SYMPK: variants seen among roughly 807,000 people sequenced by gnomAD.
SYMPK encodes the protein symplekin scaffold protein.
SYMPK carries 49 observed loss-of-function variants against 136.4 expected under a neutral mutation model. The observed-to-expected ratio is 0.36, with a 90% CI of 0.29 to 0.46. The LOEUF is 0.46. Among genes scored for constraint, SYMPK ranks in the 20% least tolerant of loss-of-function variants. The pLI is 1.00. For synonymous variants in SYMPK, 766 were observed against 713.0 expected (o/e 1.07, Z -1.19); for missense variants, 1,365 against 1,690.0 (o/e 0.81, Z 3.37).
Position 45,827,903 on chromosome 19 carries a change from A to G in SYMPK, c.2001T>C (p.Val667=), listed in dbSNP as rs760036015. 2 of 1,613,860 alleles carry G rather than the reference A, an allele frequency of 1.2e-6. No individual in the cohort carries two copies. Among genetic ancestry groups the G allele is most frequent in the Non-Finnish European group, 1.7e-6 (2 of 1,179,992 alleles). ...CTGTGATGAGTGGCGCCTCCAGCAC[A>G]ACCTTGGTGAAGATCCTGCCAGAGA... ...PDQKDGIFTK[V]VLEAPLITES... is the part of the protein sequence containing the mutation. Residue 667 remains valine (V), a synonymous_variant, in exon 15 of 27, where the codon GTT becomes GTC. Transcript: ENST00000245934.
At chr19:45,824,538 A>G (rs1313942019) in intron 18 of SYMPK, among the ~76,000 whole-genome samples, 4 of 152,194 alleles carry the variant, frequency 2.6e-5, no homozygotes, top group Non-Finnish European at 5.9e-5. Context: ...CACTGAACCC[A>G]AATGGCAGAT....
At position 45,816,052 on chromosome 19, in the gene SYMPK, T is replaced by A. The variant is rs372839933; in HGVS notation, c.3486A>T (p.Gly1162=). Residue 1162 remains glycine (G), a synonymous_variant, in exon 26 of 27, where the codon GGA becomes GGT. Coordinates refer to ENST00000245934, the MANE Select transcript of SYMPK (RefSeq NM_004819.3). ...AGGAAGAGGAGGGGGCTCCCACTCCTCCCGGCTTCAGCTTCTGTTCCTCCT... is the reference window on the plus strand; with the variant it reads ...AGGAAGAGGAGGGGGCTCCCACTCCACCCGGCTTCAGCTTCTGTTCCTCCT... ...QLEEEQKLKP[G]GVGAPSSSSP... is the part of the protein sequence containing the mutation. The A allele has an allele frequency of 1.7e-4, 269 of 1,567,006 alleles. No homozygotes were observed. The highest frequency in any genetic ancestry group is 2.3e-4 in the Non-Finnish European group (261 of 1,155,796).
At position 45,816,719 on chromosome 19, in the gene SYMPK, C is replaced by T. The variant is rs971424176; in HGVS notation, c.3258+79G>A. 18 of 1,487,488 alleles carry T rather than the reference C, an allele frequency of 1.2e-5. No individual in the cohort carries two copies. In the South Asian group the frequency reaches 2.2e-4, roughly 18 times the overall value. The allele number at this position is 1,487,488 out of a possible 1,614,324, so 92.1% of individuals were successfully genotyped here. A position where few individuals can be genotyped will look rare whatever the true frequency, so the allele number is the denominator to read the frequency against. On this transcript the variant is annotated intron_variant, in intron 24 of 26. Coordinates refer to ENST00000245934, the MANE Select transcript of SYMPK (RefSeq NM_004819.3). ...TGTGTCCGCCTCCATCCAGTCCCCACCAACCAGAGGGACCCAGGGGGCCGC... is the reference window on the plus strand; with the variant it reads ...TGTGTCCGCCTCCATCCAGTCCCCATCAACCAGAGGGACCCAGGGGGCCGC...
Position 45,848,885 on chromosome 19 carries a change from TG to T in SYMPK, c.300-10del, listed in dbSNP as rs748216398. On this transcript the variant is annotated splice_polypyrimidine_tract_variant and intron_variant, in intron 5 of 26. Coordinates refer to ENST00000245934, the MANE Select transcript of SYMPK (RefSeq NM_004819.3). ...ACTCAATGTCTCGCTTGCTGAGGGA[TG>T]GAGAAAAAAGGGGCGAGGTCAAGGT... is the stretch of plus-strand genomic sequence containing the variant. The T allele has an allele frequency of 1.2e-6, 2 of 1,613,540 alleles. No individual in the cohort carries two copies. Among genetic ancestry groups the T allele is most frequent in the South Asian group, 2.2e-5 (2 of 91,032 alleles).
At chr19:45,840,237 C>G (rs923771245) in intron 9 of SYMPK, among the ~76,000 whole-genome samples, 5 of 147,230 alleles carry the variant, frequency 3.4e-5, no homozygotes, top group Non-Finnish European at 7.4e-5. Context: ...ATCTCTTAAA[C>G]CTGGGAGGCG....
At position 45,838,672 on chromosome 19, in the gene SYMPK, T is replaced by C. The variant is rs540871952; in HGVS notation, c.1088-57A>G. ...TATAGAGAGAGCTGCAGGCCCTCCA[T>C]CCTTCCGGGGTGCCCGGGTGGTCCC... On this transcript the variant is annotated intron_variant, in intron 9 of 26. Coordinates refer to ENST00000245934, the MANE Select transcript of SYMPK (RefSeq NM_004819.3). The C allele has an allele frequency of 7.6e-5, 119 of 1,565,384 alleles. No individual in the cohort carries two copies. In the African/African-American group the frequency reaches 1.4e-3, roughly 19 times the overall value.
intron 9 of SYMPK, among the ~76,000 whole-genome samples, chr19:45,840,863 T>G (rs12983939): frequency 0.12 from 18,213 of 151,860 alleles, 1,466 homozygotes; most frequent in East Asian, 0.34. Context: ...ATGAGGTAGA[T>G]TTCTATAAAG....
At chr19:45,822,882 C>T in intron 20 of SYMPK, 36 bp from the exon 21 acceptor site, 1 of 1,513,676 alleles carries the variant, frequency 6.6e-7, no homozygotes, top group Non-Finnish European at 9.2e-7. Context: ...GGAGTTGAGT[C>T]ACATACACCC....
At chr19:45,862,454 C>G (rs929832087) in intron 1 of SYMPK, 1 of 152,238 alleles carries the variant, frequency 6.6e-6, no homozygotes, top group Non-Finnish European at 1.5e-5. Context: ...GTGCTGAGAA[C>G]ACAGTGGCGA....
chr19:45,857,726 C>T (rs1473851797), intron 1 of SYMPK, among the ~76,000 whole-genome samples: 2 of 151,478 alleles, frequency 1.3e-5, no homozygotes, highest in Admixed American at 6.6e-5. Context: ...CTCCTGACCT[C>T]GTGATCCGCC....
At chr19:45,854,848 A>T in intron 1 of SYMPK, 1 of 310,072 alleles carries the variant, frequency 3.2e-6, no homozygotes, top group Non-Finnish European at 6.3e-6. Flanking sequence ...CATCTGGGAT[A>T]TGCTTTGGAC....
At chr19:45,849,724 G>A (rs968869086) in intron 5 of SYMPK, among the ~76,000 whole-genome samples, 3 of 152,118 alleles carry the variant, frequency 2.0e-5, no homozygotes, top group African/African-American at 4.8e-5. Context: ...TAGGATATTT[G>A]GGTTCTGGCA....
At position 45,823,152 on chromosome 19, in the gene SYMPK, T is replaced by C. The variant is rs576556116; in HGVS notation, c.2700+220A>G. ...GGTAGAGGAGGAAGCAGCAGAGCCA[T>C]TGGCACCCGGGTGCCCATGCAAATG... On this transcript the variant is annotated intron_variant, in intron 20 of 26. Coordinates refer to ENST00000245934, the MANE Select transcript of SYMPK (RefSeq NM_004819.3). 7.2e-5 allele frequency among the ~76,000 whole-genome samples: 11 copies of C among 152,250 alleles called. No individual in the cohort carries two copies. The East Asian group carries it at 7.7e-4, about 11-fold the overall frequency.
intron 1 of SYMPK, among the ~76,000 whole-genome samples, chr19:45,859,113 G>A (rs1971900773): frequency 6.6e-6 from 1 of 152,048 alleles, no homozygotes; most frequent in African/African-American, 2.4e-5. Flanking sequence ...TATATTCCCA[G>A]CACGGAAGAG....
intron 17 of SYMPK, among the ~76,000 whole-genome samples, chr19:45,825,907 C>G (rs1971033475): frequency 6.6e-6 from 1 of 152,204 alleles, no homozygotes; most frequent in African/African-American, 2.4e-5. Flanking sequence ...ATTTAATGGT[C>G]CATTTACTCG....
intron 6 of SYMPK, among the ~76,000 whole-genome samples, chr19:45,848,547 T>A (rs1024526326): frequency 6.6e-6 from 1 of 152,212 alleles, no homozygotes; most frequent in Non-Finnish European, 1.5e-5. Context: ...AATAAACGGA[T>A]GGTCAATGGA....
Position 45,823,447 on chromosome 19 carries a change from C to T in SYMPK, c.2625G>A (p.Lys875=). 2.5e-6 allele frequency: 4 copies of T among 1,614,004 alleles called. No homozygotes were observed. Among genetic ancestry groups the T allele is most frequent in the Non-Finnish European group, 3.4e-6 (4 of 1,180,028 alleles). ...DKVPPSPELV[K]RVRDLYHKRL... Reference sequence around the variant, plus strand: ...GCTTGTGGTAGAGATCCCGGACCCGCTTCACCAGCTCTGGGGAGGGTGGGA... The same window carrying T: ...GCTTGTGGTAGAGATCCCGGACCCGTTTCACCAGCTCTGGGGAGGGTGGGA... The change falls in exon 20 of 27, where the codon AAG becomes AAA. Residue 875 remains lysine (K), a synonymous_variant. Transcript: ENST00000245934.
intron 8 of SYMPK, chr19:45,842,792 A>G (rs1283256825): frequency 8.6e-6 from 3 of 348,058 alleles, no homozygotes; most frequent in Non-Finnish European, 1.1e-5. Context: ...GGGGAGGGTT[A>G]TAATCACCAC....
intron 1 of SYMPK, 37 bp from the exon 2 acceptor site, chr19:45,854,544 G>A: frequency 3.2e-6 from 5 of 1,557,824 alleles, no homozygotes; most frequent in Non-Finnish European, 3.5e-6. Context: ...ATCAAGCTCA[G>A]GGAACCAGCG....
Sources: allele counts gnomAD v4.1 joint callset (sites outside exome capture counted in the v4.1 genomes callset), GRCh38; gene constraint gnomAD v4.1.1; transcripts MANE v1.5; gene names NCBI Gene and HGNC (gene_info 2026-07-23, HGNC 2026-07-21).